The following SLC39A11 variants were observed in gnomAD, a reference collection of about 807,000 sequenced individuals.
SLC39A11 encodes the protein solute carrier family 39 member 11.
A neutral mutation model predicts 36.1 loss-of-function variants in SLC39A11; 33 were observed. The ratio of observed to expected loss-of-function variants is 0.91; its 90% confidence interval spans 0.69 to 1.22. The LOEUF (loss-of-function observed/expected upper bound fraction) is 1.22. SLC39A11 is among the 50% of genes most tolerant of loss of function. The pLI is 0.00. For synonymous variants in SLC39A11, 166 were observed against 170.3 expected, an observed-to-expected ratio of 0.97 and a Z score of 0.20; for missense variants, 432 against 430.3, an observed-to-expected ratio of 1.00 and a Z score of -0.03.
At chr17:72,892,159 G>A (rs987504663) in intron 5 of SLC39A11, among the ~76,000 whole-genome samples, 2 of 152,144 alleles carry the variant, frequency 1.3e-5, no homozygotes, top group Non-Finnish European at 2.9e-5. Context: ...GCTCACACCT[G>A]TAATCTGGGA....
chr17:72,651,595 G>GACCCC (rs2069855221), intron 7 of SLC39A11, among the ~76,000 whole-genome samples: 3 of 152,190 alleles, frequency 2.0e-5, no homozygotes, highest in Non-Finnish European at 4.4e-5. Flanking sequence ...CCTAGGGTGG[G>GACCCC]GTTGGGGGAA....
chr17:72,784,656 G>T (rs563502900), intron 6 of SLC39A11, among the ~76,000 whole-genome samples: 21 of 152,044 alleles, frequency 1.4e-4, no homozygotes, highest in Non-Finnish European at 2.9e-4. Flanking sequence ...GTTCTCACGA[G>T]AGCTGGTTGT....
chr17:72,663,240 G>C (rs992049318), intron 7 of SLC39A11, among the ~76,000 whole-genome samples: 5 of 152,228 alleles, frequency 3.3e-5, no homozygotes, highest in African/African-American at 1.2e-4. Context: ...CAACACGTTT[G>C]AGCAGAAACC....
chr17:72,993,768 TC>T (rs2089330316), intron 4 of SLC39A11, among the ~76,000 whole-genome samples: 1 of 152,122 alleles, frequency 6.6e-6, no homozygotes, highest in African/African-American at 2.4e-5. Flanking sequence ...CTCTTCCTCC[TC>T]CCTCTCTTAC....
At chr17:72,991,879 A>T (rs2089207142) in intron 4 of SLC39A11, among the ~76,000 whole-genome samples, 1 of 152,212 alleles carries the variant, frequency 6.6e-6, no homozygotes, top group East Asian at 1.9e-4. Context: ...TTGTCATGGG[A>T]TATGTTATAT....
At chr17:72,692,307 G>A (rs761493676) in intron 7 of SLC39A11, among the ~76,000 whole-genome samples, 6 of 152,272 alleles carry the variant, frequency 3.9e-5, no homozygotes, top group East Asian at 1.9e-4. Flanking sequence ...TACCGCGCCC[G>A]ACCAAAATAG....
intron 5 of SLC39A11, among the ~76,000 whole-genome samples, chr17:72,898,288 C>A (rs2082131548): frequency 6.6e-6 from 1 of 152,206 alleles, no homozygotes; most frequent in African/African-American, 2.4e-5. Flanking sequence ...CCTCAAGGGG[C>A]TGGAGCATCC....
At chr17:73,060,166 C>T (rs1037415837) in intron 3 of SLC39A11, among the ~76,000 whole-genome samples, 11 of 131,638 alleles carry the variant, frequency 8.4e-5, no homozygotes, top group African/African-American at 1.7e-4. Context: ...GCCGAGATCA[C>T]GCCACTGCAC....
chr17:72,803,899 T>TA, intron 6 of SLC39A11, among the ~76,000 whole-genome samples: 1 of 151,768 alleles, frequency 6.6e-6, no homozygotes, highest in East Asian at 1.9e-4. Flanking sequence ...ATCCCACTCT[T>TA]ACCAACTTTC....
intron 6 of SLC39A11, among the ~76,000 whole-genome samples, chr17:72,780,704 A>T (rs934377487): frequency 1.4e-4 from 21 of 152,254 alleles, no homozygotes; most frequent in Admixed American, 1.4e-3. Context: ...TTCCCAAATC[A>T]TGCCGGGCGT....
intron 6 of SLC39A11, among the ~76,000 whole-genome samples, chr17:72,792,806 C>T (rs2076756572): frequency 6.6e-6 from 1 of 152,146 alleles, no homozygotes; most frequent in Non-Finnish European, 1.5e-5. Flanking sequence ...TTCACCAGCT[C>T]CTCCACACAC....
intron 6 of SLC39A11, among the ~76,000 whole-genome samples, chr17:72,833,617 A>G (rs755777700): frequency 1.3e-5 from 2 of 152,232 alleles, no homozygotes; most frequent in African/African-American, 2.4e-5. Flanking sequence ...GAGTTAAGTC[A>G]CAGGAGGCTG....
intron 5 of SLC39A11, among the ~76,000 whole-genome samples, chr17:72,944,530 C>CGG (rs143386832): frequency 4.0e-5 from 6 of 151,100 alleles, no homozygotes; most frequent in Non-Finnish European, 8.9e-5. Flanking sequence ...CCTTGCCTTT[C>CGG]AAACACACAC....
chr17:72,688,236 T>C (rs1402120135), intron 7 of SLC39A11, among the ~76,000 whole-genome samples: 2 of 152,224 alleles, frequency 1.3e-5, no homozygotes, highest in East Asian at 3.8e-4. Context: ...GGGCCTAAGA[T>C]ACCTGAATGA....
chr17:72,694,953 G>A (rs867351292), intron 7 of SLC39A11, among the ~76,000 whole-genome samples: 8 of 151,992 alleles, frequency 5.3e-5, no homozygotes, highest in African/African-American at 1.2e-4. Context: ...AGGTGCTGTG[G>A]GCATGGCTGC....
At chr17:72,742,201 T>C (rs2074738598) in intron 6 of SLC39A11, among the ~76,000 whole-genome samples, 1 of 43,612 alleles carries the variant, frequency 2.3e-5, no homozygotes, top group African/African-American at 1.2e-4. Context: ...AGACTCCATC[T>C]CAAAAAAAAA....
At chr17:73,042,704 G>C (rs1248872359) in intron 3 of SLC39A11, among the ~76,000 whole-genome samples, 2 of 152,266 alleles carry the variant, frequency 1.3e-5, no homozygotes, top group East Asian at 1.9e-4. Context: ...GGGAGGCTGA[G>C]GCAGTAAGAA....
intron 6 of SLC39A11, among the ~76,000 whole-genome samples, chr17:72,809,761 G>A (rs1345402122): frequency 6.6e-6 from 1 of 152,158 alleles, no homozygotes; most frequent in African/African-American, 2.4e-5. Flanking sequence ...GATTTTGTTT[G>A]TTTGTTTGTT....
At chr17:72,872,161 T>C (rs1233453661) in intron 5 of SLC39A11, among the ~76,000 whole-genome samples, 2 of 152,148 alleles carry the variant, frequency 1.3e-5, no homozygotes, top group Non-Finnish European at 2.9e-5. Flanking sequence ...GGAGGGCAGG[T>C]GATTCCAACC....
Sources: allele counts gnomAD v4.1 joint callset (sites outside exome capture counted in the v4.1 genomes callset), GRCh38; gene constraint gnomAD v4.1.1; transcripts MANE v1.5; gene names NCBI Gene and HGNC (gene_info 2026-07-23, HGNC 2026-07-21).